The following SYNE2 variants were observed in gnomAD, a reference collection of about 807,000 sequenced individuals.
The protein encoded by SYNE2 is spectrin repeat containing nuclear envelope protein 2.
Under a neutral mutation model 856.3 loss-of-function variants are expected in SYNE2, and 431 were observed. The observed-to-expected ratio is 0.50, with a 90% CI of 0.47 to 0.55. SYNE2 has a LOEUF of 0.55. Among genes scored for constraint, SYNE2 ranks in the 20% least tolerant of loss-of-function variants. The pLI is 0.00. For missense variants in SYNE2, 8,129 were observed against 8,023.2 expected, an observed-to-expected ratio of 1.01 and a Z score of -0.50; for synonymous variants, 2,923 against 2,872.3, an observed-to-expected ratio of 1.02 and a Z score of -0.56.
chr14:63,801,192 C>T (rs565600759), intron 1 of SYNE2, among the ~76,000 whole-genome samples: 1 of 152,136 alleles, frequency 6.6e-6, no homozygotes, highest in African/African-American at 2.4e-5. Flanking sequence ...ACATGCTACA[C>T]AGAGAGCAGA....
intron 1 of SYNE2, among the ~76,000 whole-genome samples, chr14:63,813,107 G>C (rs1888679872): frequency 6.6e-6 from 1 of 152,146 alleles, no homozygotes; most frequent in Admixed American, 6.6e-5. Context: ...CTAGCCTTCA[G>C]AGGTTTTTAA....
intron 99 of SYNE2, among the ~76,000 whole-genome samples, chr14:64,192,066 C>T (rs1181956195): frequency 1.3e-5 from 2 of 152,128 alleles, no homozygotes; most frequent in African/African-American, 2.4e-5. Context: ...TGAGAAGACT[C>T]TTAGGTCGTG....
At chr14:63,778,148 C>A (rs911519203) in intron 1 of SYNE2, among the ~76,000 whole-genome samples, 9 of 152,092 alleles carry the variant, frequency 5.9e-5, no homozygotes, top group African/African-American at 1.9e-4. Context: ...GGCATTTCCC[C>A]GCATCCTGTT....
chr14:63,818,432 C>G (rs982851126), intron 1 of SYNE2, among the ~76,000 whole-genome samples: 1 of 151,350 alleles, frequency 6.6e-6, no homozygotes, highest in African/African-American at 2.4e-5. Context: ...GTGGGAGGAT[C>G]CTTTGAGGCC....
At chr14:64,154,216 T>G (rs1276733713) in intron 85 of SYNE2, among the ~76,000 whole-genome samples, 3 of 149,610 alleles carry the variant, frequency 2.0e-5, no homozygotes, top group Non-Finnish European at 4.4e-5. Context: ...GTATAAAACT[T>G]AGAAGAAAAC....
chr14:64,202,852 C>T lies in SYNE2; in HGVS notation c.18090C>T (p.Asn6030=), dbSNP rs1334371302. ...TFAFIQQLDK[N]MSNLRTWLAR... is the part of the protein sequence containing the mutation. ...CTTTTATTCAGCAGTTGGACAAAAA[C>T]ATGAGCAACCTTCGCACCTGGTTGG... Residue 6030 remains asparagine, a synonymous_variant, in exon 100 of 116, where the codon AAC becomes AAT. Transcript: ENST00000555002. 1.9e-6 allele frequency: 3 copies of T among 1,613,978 alleles called. No individual in the cohort carries two copies. The highest frequency in any genetic ancestry group is 2.7e-5 in the African/African-American group (2 of 74,900).
At chr14:64,193,124 G>A (rs192311839) in intron 99 of SYNE2, among the ~76,000 whole-genome samples, 11 of 152,332 alleles carry the variant, frequency 7.2e-5, no homozygotes, top group East Asian at 5.8e-4. Flanking sequence ...GAACAGTGGC[G>A]ACAAGAACCT....
chr14:63,880,177 G>A (rs1413013529), intron 1 of SYNE2, among the ~76,000 whole-genome samples: 1 of 152,008 alleles, frequency 6.6e-6, no homozygotes, highest in Admixed American at 6.6e-5. Context: ...TGCAACCTCC[G>A]CTTCCTAGGC....
chr14:63,822,422 T>C (rs1889256970), intron 1 of SYNE2, among the ~76,000 whole-genome samples: 1 of 152,162 alleles, frequency 6.6e-6, no homozygotes, highest in South Asian at 2.1e-4. Context: ...TTGACCTGAG[T>C]AGGCTCACTA....
At chr14:64,073,201 A>AG (rs1307088891) in intron 52 of SYNE2, among the ~76,000 whole-genome samples, 1 of 152,186 alleles carries the variant, frequency 6.6e-6, no homozygotes, top group African/African-American at 2.4e-5. Flanking sequence ...TGTTGGAGGT[A>AG]GGGGTGGTAC....
chr14:63,979,647 G>A (rs1217165733), intron 14 of SYNE2, among the ~76,000 whole-genome samples: 4 of 152,302 alleles, frequency 2.6e-5, no homozygotes, highest in Admixed American at 1.3e-4. Flanking sequence ...GCGCGGTGGC[G>A]CACACCTGTA....
At position 64,031,075 on chromosome 14, in the gene SYNE2, A is replaced by G. The variant is rs754719050; in HGVS notation, c.6939A>G (p.Ala2313=). 1.9e-6 allele frequency: 3 copies of G among 1,614,104 alleles called. No individual in the cohort carries two copies. The South Asian group carries it at 3.3e-5, about 18-fold the overall frequency. ...DGTLKKILAL[A]KSVKQNTSSV... ...CATTAAAGAAGATTTTAGCTTTAGC[A>G]AAATCCGTCAAGCAAAATACATCTT... The change falls in exon 45 of 116, where the codon GCA becomes GCG. Residue 2313 remains alanine (A), a synonymous_variant. Transcript: ENST00000555002.
rs1567631199 is a variant in SYNE2 at position 64,202,927 on chromosome 14, T to G, written c.18165T>G (p.Asp6055Glu). 1 of 1,614,252 alleles carries G rather than the reference T, an allele frequency of 6.2e-7. No individual in the cohort carries two copies. Among genetic ancestry groups the G allele is most frequent in the Non-Finnish European group, 8.5e-7 (1 of 1,180,040 alleles). Residue 6055 changes from aspartate to glutamate, a missense_variant, in exon 100 of 116, where the codon GAT becomes GAG. By Grantham distance (45) the Asp-to-Glu change is conservative. Around this residue, in one of 3 missense-constraint regions of SYNE2, gnomAD observed 5,410 missense variants for 5,284.8 expected, o/e 1.02. Coordinates refer to ENST00000555002, the MANE Select transcript of SYNE2 (RefSeq NM_182914.3). ...LSKPVVYDVCDDQEIQKRLAE... is the reference protein window; with the variant it reads ...LSKPVVYDVCEDQEIQKRLAE... ...AGCCTGTTGTTTATGATGTCTGCGA[T>G]GATCAAGAGATCCAGAAGAGGCTCG...
rs182901065 is a variant in SYNE2, at chr14:64,185,362, T to C, written c.17557-1062T>C. 6.2e-4 allele frequency among the ~76,000 whole-genome samples: 94 copies of C among 152,284 alleles called. 1 individual carries two copies. Among genetic ancestry groups the C allele is most frequent in the African/African-American group, 2.3e-3 (94 of 41,576 alleles). On this transcript the variant is annotated intron_variant, in intron 96 of 115. Transcript: ENST00000555002. ...TTAAAATGTGCCAAGTCATGAAGAA[T>C]TGTAAGCACAATAAAAATCTGGTAG...
intron 31 of SYNE2, among the ~76,000 whole-genome samples, chr14:64,007,553 A>G (rs2096806400): frequency 6.6e-6 from 1 of 152,212 alleles, no homozygotes; most frequent in East Asian, 1.9e-4. Flanking sequence ...AAGAACACGG[A>G]TTTATTACCT....
At position 64,053,110 on chromosome 14, in the gene SYNE2, C is replaced by T; in HGVS notation, c.9197C>T (p.Thr3066Ile). Residue 3066 changes from threonine (T) to isoleucine (I), a missense_variant, in exon 48 of 116, where the codon ACT becomes ATT. Physicochemically the swap from Thr to Ile is moderately conservative, Grantham distance 89. This residue lies in a region of SYNE2 where 5,410 missense variants were observed against 5,284.8 expected (regional missense o/e 1.02). Transcript: ENST00000555002. ...RAIDLQIKKM[T>I]EVVLKAPDSS... ...ATTGATTTGCAAATTAAGAAAATGA[C>T]TGAAGTAGTACTAAAAGCTCCTGAT... The T allele has an allele frequency of 6.2e-7, 1 of 1,613,972 alleles. No individual in the cohort carries two copies. Among genetic ancestry groups the T allele is most frequent in the East Asian group, 2.2e-5 (1 of 44,866 alleles).
intron 63 of SYNE2, 98 bp from the exon 64 acceptor site, chr14:64,101,834 T>G: frequency 1.2e-6 from 1 of 840,876 alleles, no homozygotes; most frequent in Non-Finnish European, 2.0e-6. Context: ...CACTGCCTGA[T>G]AAGTTGAGTC....
chr14:64,223,707 G>A (rs572693111), intron 113 of SYNE2, among the ~76,000 whole-genome samples: 25 of 152,232 alleles, frequency 1.6e-4, no homozygotes, highest in Non-Finnish European at 2.5e-4. Context: ...CTCAAGCAAT[G>A]CAAAGTTCTG....
intron 109 of SYNE2, 48 bp downstream of exon 109, chr14:64,218,560 T>A: frequency 1.3e-6 from 2 of 1,566,384 alleles, no homozygotes; most frequent in Non-Finnish European, 1.8e-6. Context: ...GTATGGTATT[T>A]AAGTCCTTGC....
Sources: gnomAD v4.1 joint callset for allele counts (sites outside exome capture counted in the v4.1 genomes callset) on GRCh38, gnomAD v4.1.1 for gene constraint, gnomAD v4.1.1 regional missense constraint, MANE v1.5 for transcripts, NCBI Gene and HGNC (gene_info 2026-07-23, HGNC 2026-07-21) for gene names.